Variants in CLIC2 observed in about 807,000 individuals in gnomAD.
CLIC2 encodes chloride intracellular channel protein 2.
Under a neutral mutation model 14.8 loss-of-function variants are expected in CLIC2, and 9 were observed. The ratio of observed to expected loss-of-function variants is 0.61; its 90% confidence interval spans 0.37 to 1.06. CLIC2 has a LOEUF of 1.06. Ranked by LOEUF, CLIC2 falls within the 50% of genes least tolerant of loss-of-function variation. The probability of loss-of-function intolerance (pLI) is 0.01; values close to 1 mark genes in which losing one functional copy is unlikely to be tolerated. For synonymous variants in CLIC2, 61 were observed against 66.3 expected, an observed-to-expected ratio of 0.92 and a Z score of 0.39; for missense variants, 148 against 181.4, an observed-to-expected ratio of 0.82 and a Z score of 1.06.
chrX:155,313,080 A>C (rs2075080190), intron 1 of CLIC2, among the ~76,000 whole-genome samples: 1 of 109,375 alleles, frequency 9.1e-6, no homozygotes. Context: ...ACCATGGCTC[A>C]TGCCTGCAAT....
chrX:155,315,448 C>T (rs1250969117), intron 1 of CLIC2, among the ~76,000 whole-genome samples: 2 of 111,760 alleles, frequency 1.8e-5, no homozygotes, highest in African/African-American at 6.5e-5. Flanking sequence ...AATTGGGGTC[C>T]TATTTTTAGC....
intron 1 of CLIC2, among the ~76,000 whole-genome samples, chrX:155,305,279 C>A (rs782104442): frequency 1.8e-5 from 2 of 112,089 alleles, no homozygotes; most frequent in Non-Finnish European, 3.8e-5. Flanking sequence ...ATATGTGGTG[C>A]GCCGTTTTTT....
intron 3 of CLIC2, chrX:155,290,608 T>C (rs2124163180): frequency 1.4e-6 from 1 of 725,296 alleles, no homozygotes; most frequent in East Asian, 3.2e-5. Context: ...TATCTGGGCA[T>C]TGAATAGATA....
rs150493370 is a variant in CLIC2, at chrX:155,307,787, G to A, written c.58-8642C>T. ...AGCTACTTGGCAGGCTGAGGCAGGA[G>A]AATTGCTTGAACCCTGGAGGCAGAG... On this transcript the variant is annotated intron_variant, in intron 1 of 5. Transcript: ENST00000369449. Among the ~76,000 whole-genome samples, 770 of 111,149 alleles carry A rather than the reference G, an allele frequency of 6.9e-3. 6 individuals are homozygous for A. The highest frequency in any genetic ancestry group is 0.024 in the African/African-American group (731 of 30,563).
intron 3 of CLIC2, chrX:155,292,132 G>A (rs2074969390): frequency 1.8e-6 from 1 of 567,467 alleles, no homozygotes; most frequent in African/African-American, 2.2e-5. Flanking sequence ...ATTTGATAGA[G>A]TACAAATGGC....
At chrX:155,296,947 T>C (rs984342232) in intron 3 of CLIC2, among the ~76,000 whole-genome samples, 2 of 111,725 alleles carry the variant, frequency 1.8e-5, no homozygotes, top group Admixed American at 9.5e-5. Context: ...GATCCAAAAA[T>C]CTCACTAATT....
At chrX:155,293,494 G>A in intron 3 of CLIC2, 1 of 481,599 alleles carries the variant, frequency 2.1e-6, no homozygotes, top group Non-Finnish European at 3.7e-6. Flanking sequence ...AATGATAAAT[G>A]ACAAGAGAGA....
intron 3 of CLIC2, among the ~76,000 whole-genome samples, chrX:155,297,646 T>A (rs1471802857): frequency 1.0e-5 from 1 of 95,409 alleles, no homozygotes; most frequent in Non-Finnish European, 2.1e-5. Flanking sequence ...ATTGAGACCA[T>A]CCTGGCTAAC....
chrX:155,320,421 C>T (rs936460362), intron 1 of CLIC2, among the ~76,000 whole-genome samples: 1 of 111,892 alleles, frequency 8.9e-6, no homozygotes, highest in African/African-American at 3.3e-5. Flanking sequence ...GCAAATAGGT[C>T]GGGAGTGGAC....
chrX:155,297,677 C>T (rs1446505547), intron 3 of CLIC2, among the ~76,000 whole-genome samples: 1 of 88,929 alleles, frequency 1.1e-5, no homozygotes, highest in East Asian at 3.5e-4. Flanking sequence ...CTCATCTCTA[C>T]TAAAATTACA....
intron 1 of CLIC2, among the ~76,000 whole-genome samples, chrX:155,310,784 C>A (rs782128701): frequency 1.2e-3 from 140 of 112,748 alleles, no homozygotes; most frequent in Non-Finnish European, 2.2e-3. Flanking sequence ...CAGGTATTTC[C>A]ATACATTCTC....
At chrX:155,290,318 T>C (rs1188476239) in intron 3 of CLIC2, 2 of 307,126 alleles carry the variant, frequency 6.5e-6, no homozygotes, top group Non-Finnish European at 1.2e-5. Context: ...AGCTGGACTT[T>C]TAAAAAACTA....
At chrX:155,291,487 C>A (rs2074965087) in intron 3 of CLIC2, 1 of 368,973 alleles carries the variant, frequency 2.7e-6, no homozygotes. Flanking sequence ...TTTCTATGTT[C>A]CTATTTAGAT....
At chrX:155,297,001 C>G (rs2074994421) in intron 3 of CLIC2, among the ~76,000 whole-genome samples, 1 of 111,914 alleles carries the variant, frequency 8.9e-6, no homozygotes, top group African/African-American at 3.2e-5. Flanking sequence ...CAAAGGGATA[C>G]CTGCACTCTC....
At chrX:155,306,869 C>T (rs2075057621) in intron 1 of CLIC2, among the ~76,000 whole-genome samples, 1 of 111,456 alleles carries the variant, frequency 9.0e-6, no homozygotes, top group South Asian at 3.8e-4. Flanking sequence ...TTCCACCATG[C>T]CCCACCTCCA....
At chrX:155,278,625 C>T (rs1459749783) in intron 5 of CLIC2, among the ~76,000 whole-genome samples, 1 of 112,331 alleles carries the variant, frequency 8.9e-6, no homozygotes, top group Non-Finnish European at 1.9e-5. Context: ...AAAATACCTT[C>T]TGATTTAGAA....
At chrX:155,304,917 T>C (rs782377707) in intron 1 of CLIC2, among the ~76,000 whole-genome samples, 2 of 103,401 alleles carry the variant, frequency 1.9e-5, no homozygotes, top group East Asian at 6.2e-4. Flanking sequence ...GGGACCCACT[T>C]GAGGAGGCAG....
chrX:155,315,076 A>C (rs1218760151), intron 1 of CLIC2, among the ~76,000 whole-genome samples: 2 of 112,005 alleles, frequency 1.8e-5, no homozygotes, highest in African/African-American at 3.2e-5. Flanking sequence ...TAAAAAACAA[A>C]AAAAGTGAAC....
At chrX:155,324,184 G>A (rs1315949438) in intron 1 of CLIC2, among the ~76,000 whole-genome samples, 4 of 112,113 alleles carry the variant, frequency 3.6e-5, no homozygotes, top group East Asian at 2.8e-4. Context: ...AAACCTGCAC[G>A]TTGTGCACAT....
Sources: allele counts gnomAD v4.1 joint callset (sites outside exome capture counted in the v4.1 genomes callset), GRCh38; gene constraint gnomAD v4.1.1; transcripts MANE v1.5; gene names NCBI Gene and HGNC (gene_info 2026-07-23, HGNC 2026-07-21).